XRCC4: variants seen among roughly 807,000 people sequenced by gnomAD.
XRCC4 encodes the protein X-ray repair cross complementing 4.
XRCC4 carries 28 observed loss-of-function variants against 39.1 expected under a neutral mutation model. That is an observed-to-expected ratio of 0.72 (90% confidence interval 0.53 to 0.98). The LOEUF is 0.98. Ranked by LOEUF, XRCC4 falls within the 50% of genes least tolerant of loss-of-function variation. XRCC4 has a pLI of 0.00. For synonymous variants in XRCC4, 123 were observed against 126.4 expected (o/e 0.97, Z 0.18); for missense variants, 350 against 376.4 (o/e 0.93, Z 0.58).
chr5:83,238,723 T>C (rs1178277893), intron 6 of XRCC4, among the ~76,000 whole-genome samples: 1 of 152,098 alleles, frequency 6.6e-6, no homozygotes, highest in Non-Finnish European at 1.5e-5. Flanking sequence ...AATCGTTTTA[T>C]TTTTCATAAA....
intron 7 of XRCC4, among the ~76,000 whole-genome samples, chr5:83,295,448 C>T (rs548228772): frequency 6.6e-6 from 1 of 151,634 alleles, no homozygotes. Context: ...CTGACAGATA[C>T]AATAAATAAT....
At chr5:83,099,350 A>G (rs1319831302) in intron 1 of XRCC4, among the ~76,000 whole-genome samples, 2 of 152,186 alleles carry the variant, frequency 1.3e-5, no homozygotes, top group African/African-American at 4.8e-5. Context: ...CTCAAGTTCA[A>G]AATGGTGTTA....
intron 7 of XRCC4, among the ~76,000 whole-genome samples, chr5:83,260,198 G>A (rs28360237): frequency 6.6e-6 from 1 of 152,082 alleles, no homozygotes; most frequent in Admixed American, 6.6e-5. Flanking sequence ...TCAAGGCATA[G>A]TGTGATCTCT....
chr5:83,286,936 G>A (rs951126118), intron 7 of XRCC4, among the ~76,000 whole-genome samples: 11 of 151,976 alleles, frequency 7.2e-5, no homozygotes, highest in Non-Finnish European at 1.2e-4. Context: ...TAGAGTTGAC[G>A]GTATCTGGTG....
chr5:83,244,225 G>A (rs1480129027), intron 6 of XRCC4, among the ~76,000 whole-genome samples: 3 of 107,476 alleles, frequency 2.8e-5, no homozygotes, highest in East Asian at 2.8e-4. Context: ...GTTCTTTCAC[G>A]TCAGTAATTT....
At chr5:83,309,732 G>A (rs1381350471) in intron 7 of XRCC4, among the ~76,000 whole-genome samples, 1 of 133,526 alleles carries the variant, frequency 7.5e-6, no homozygotes, top group African/African-American at 2.8e-5. Flanking sequence ...ACTCCAGCCT[G>A]GGCGACAGAG....
intron 3 of XRCC4, among the ~76,000 whole-genome samples, chr5:83,144,951 A>C (rs1353690829): frequency 3.3e-5 from 5 of 152,144 alleles, no homozygotes. Flanking sequence ...GCTGGAGTGC[A>C]GTGGTGCAAT....
At chr5:83,182,247 C>T (rs1046996206) in intron 3 of XRCC4, among the ~76,000 whole-genome samples, 12 of 152,136 alleles carry the variant, frequency 7.9e-5, no homozygotes, top group East Asian at 3.9e-4. Context: ...AACTTCCATA[C>T]GAAACAGCAA....
chr5:83,368,470 C>A, the XRCC4 span, among the ~76,000 whole-genome samples: 3 of 152,140 alleles, frequency 2.0e-5, no homozygotes, highest in Non-Finnish European at 4.4e-5. Flanking sequence ...CCCAAGGCAA[C>A]AAAACCTGGT....
chr5:83,334,206 T>C (rs1051183388), intron 7 of XRCC4, among the ~76,000 whole-genome samples: 1 of 152,204 alleles, frequency 6.6e-6, no homozygotes. Context: ...AGAACTTTCA[T>C]TTAAAAATAA....
intron 1 of XRCC4, among the ~76,000 whole-genome samples, chr5:83,087,922 G>C (rs1383840044): frequency 1.3e-5 from 2 of 152,040 alleles, no homozygotes; most frequent in Admixed American, 1.3e-4. Flanking sequence ...GGCCAAAGTG[G>C]AATATTTATG....
rs115570291 is a variant in XRCC4, at chr5:83,096,267, A to T, written c.-10-8643A>T. ...CCCATCCCAGTGGCTCAGATGGGTA[A>T]GTGTTTCTCTGGGTTTTTGTGTGAC... On this transcript the variant is annotated intron_variant, in intron 1 of 7. Transcript: ENST00000396027. Among the ~76,000 whole-genome samples, 258 of 152,108 alleles carry T rather than the reference A, an allele frequency of 1.7e-3. 2 individuals are homozygous for T. Among genetic ancestry groups the T allele is most frequent in the African/African-American group, 6.1e-3 (252 of 41,484 alleles).
intron 6 of XRCC4, among the ~76,000 whole-genome samples, chr5:83,212,591 G>A (rs2731852): frequency 0.61 from 92,360 of 151,904 alleles, 28,644 homozygotes; most frequent in East Asian, 0.96. Context: ...AAAACCATTA[G>A]TCTAAACATC....
At chr5:83,170,886 G>A (rs2112618354) in intron 3 of XRCC4, among the ~76,000 whole-genome samples, 1 of 152,258 alleles carries the variant, frequency 6.6e-6, no homozygotes, top group Admixed American at 6.5e-5. Context: ...AGCCATCTTA[G>A]AGTTTTGGCT....
intron 1 of XRCC4, among the ~76,000 whole-genome samples, chr5:83,083,782 T>C (rs1745064892): frequency 6.6e-6 from 1 of 152,164 alleles, no homozygotes; most frequent in Non-Finnish European, 1.5e-5. Context: ...TGCCTCCAAG[T>C]TTTTACTCAT....
chr5:83,362,316 A>AAAAAAAAAAAAAAAAAAAAAAAAAC, the XRCC4 span, among the ~76,000 whole-genome samples: 2 of 146,042 alleles, frequency 1.4e-5, no homozygotes, highest in African/African-American at 5.5e-5. Flanking sequence ...AAAAAAAAAA[A>AAAAAAAAAAAAAAAAAAAAAAAAAC]AACTATCTCA....
intron 3 of XRCC4, among the ~76,000 whole-genome samples, chr5:83,152,457 A>G (rs1263473701): frequency 6.6e-6 from 1 of 152,030 alleles, no homozygotes; most frequent in Non-Finnish European, 1.5e-5. Flanking sequence ...ACATGGTGAA[A>G]CCCTGTCTCG....
At chr5:83,235,445 C>T (rs1288048675) in intron 6 of XRCC4, among the ~76,000 whole-genome samples, 1 of 149,986 alleles carries the variant, frequency 6.7e-6, no homozygotes, top group Non-Finnish European at 1.5e-5. Flanking sequence ...GTTGTATCAA[C>T]AAAAATGGCC....
chr5:83,259,185 T>A (rs1039566248), intron 7 of XRCC4: 1 of 154,566 alleles, frequency 6.5e-6, no homozygotes, highest in African/African-American at 2.4e-5. Context: ...TATTTCAATT[T>A]AGGTGTGATG....
Sources: allele counts gnomAD v4.1 joint callset (sites outside exome capture counted in the v4.1 genomes callset), GRCh38; gene constraint gnomAD v4.1.1; transcripts MANE v1.5; gene names NCBI Gene and HGNC (gene_info 2026-07-23, HGNC 2026-07-21).